The following SNTG2 variants were observed in gnomAD, a reference collection of about 807,000 sequenced individuals.
The protein encoded by SNTG2 is gamma-2-syntrophin.
In SNTG2, 74 loss-of-function variants were observed where a neutral mutation model predicts 70.9. The observed-to-expected ratio is 1.04, with a 90% confidence interval of 0.86 to 1.27. SNTG2 has a LOEUF of 1.27. Among genes scored for constraint, SNTG2 ranks in the 50% most tolerant of loss-of-function variants. The pLI is 0.00. For synonymous variants in SNTG2, 278 were observed against 273.8 expected, an observed-to-expected ratio of 1.02 and a Z score of -0.15; for missense variants, 717 against 690.7, an observed-to-expected ratio of 1.04 and a Z score of -0.43.
chr2:960,017 G>A (rs1660297474), intron 1 of SNTG2, among the ~76,000 whole-genome samples: 2 of 151,948 alleles, frequency 1.3e-5, no homozygotes, highest in Non-Finnish European at 2.9e-5. Flanking sequence ...CTGCTTTTTA[G>A]AATTCTCATT....
At chr2:1,088,664 T>G (rs182157978) in intron 2 of SNTG2, among the ~76,000 whole-genome samples, 1 of 152,342 alleles carries the variant, frequency 6.6e-6, no homozygotes, top group African/African-American at 2.4e-5. Context: ...TCATATAAGC[T>G]CATTAGAGTG....
At chr2:1,222,134 T>TATCTCTGTCTCC (rs1675241554) in intron 9 of SNTG2, among the ~76,000 whole-genome samples, 1 of 139,078 alleles carries the variant, frequency 7.2e-6, no homozygotes, top group African/African-American at 2.6e-5. Flanking sequence ...TGTCTCTCTC[T>TATCTCTGTCTCC]GTCTCTCTCT....
chr2:1,157,958 G>C (rs569662046), intron 6 of SNTG2, among the ~76,000 whole-genome samples: 1 of 152,164 alleles, frequency 6.6e-6, no homozygotes, highest in Non-Finnish European at 1.5e-5. Context: ...ATTGCTCTAG[G>C]CACAAAAGTT....
chr2:1,028,121 G>T (rs1052519631), intron 1 of SNTG2, among the ~76,000 whole-genome samples: 2 of 150,664 alleles, frequency 1.3e-5, no homozygotes, highest in Non-Finnish European at 2.9e-5. Context: ...ATGCATCTCT[G>T]TTGAGTAAAG....
chr2:1,327,743 A>C (rs1485488796), intron 16 of SNTG2, among the ~76,000 whole-genome samples: 2 of 152,240 alleles, frequency 1.3e-5, no homozygotes, highest in Non-Finnish European at 1.5e-5. Context: ...TTTATTAAAC[A>C]AACAATATTA....
At chr2:1,111,015 A>G (rs1381125653) in intron 4 of SNTG2, among the ~76,000 whole-genome samples, 2 of 152,212 alleles carry the variant, frequency 1.3e-5, no homozygotes, top group African/African-American at 4.8e-5. Flanking sequence ...TTTCTGTCAC[A>G]AGCCAAAATC....
intron 6 of SNTG2, among the ~76,000 whole-genome samples, chr2:1,144,029 G>T (rs1339356419): frequency 6.6e-6 from 1 of 152,168 alleles, no homozygotes; most frequent in African/African-American, 2.4e-5. Flanking sequence ...TGTTGAAGCT[G>T]TGGCTCTCAG....
chr2:1,271,353 C>G (rs1034213588), intron 14 of SNTG2, among the ~76,000 whole-genome samples: 3 of 152,060 alleles, frequency 2.0e-5, no homozygotes, highest in African/African-American at 7.3e-5. Flanking sequence ...CTGCAATTTA[C>G]AAGACTTTTG....
chr2:1,301,807 T>C (rs958052428), intron 14 of SNTG2, among the ~76,000 whole-genome samples: 1 of 152,116 alleles, frequency 6.6e-6, no homozygotes, highest in African/African-American at 2.4e-5. Flanking sequence ...GAGAGTTTAG[T>C]ATCAGCAGAT....
intron 9 of SNTG2, among the ~76,000 whole-genome samples, chr2:1,237,241 C>A (rs1202459643): frequency 6.6e-6 from 1 of 152,092 alleles, no homozygotes; most frequent in African/African-American, 2.4e-5. Context: ...CTGCGCCCGG[C>A]CAATATGCAC....
At chr2:1,169,464 C>T (rs1284871788) in intron 7 of SNTG2, among the ~76,000 whole-genome samples, 3 of 152,152 alleles carry the variant, frequency 2.0e-5, no homozygotes, top group African/African-American at 7.2e-5. Context: ...ACTGCAACAC[C>T]AGATGGCAGA....
At chr2:1,025,212 A>G (rs1660408463) in intron 1 of SNTG2, among the ~76,000 whole-genome samples, 1 of 152,170 alleles carries the variant, frequency 6.6e-6, no homozygotes. Context: ...GAAGCATGCC[A>G]TCCCAGCTGG....
intron 1 of SNTG2, among the ~76,000 whole-genome samples, chr2:1,082,222 A>T (rs541985756): frequency 1.3e-5 from 2 of 152,308 alleles, no homozygotes; most frequent in South Asian, 4.1e-4. Flanking sequence ...GAGGCATTTG[A>T]TGAGCTGGTT....
chr2:1,046,576 G>A (rs1661749257), intron 1 of SNTG2, among the ~76,000 whole-genome samples: 1 of 152,184 alleles, frequency 6.6e-6, no homozygotes, highest in South Asian at 2.1e-4. Context: ...CTTGGCATTT[G>A]CTTTTCTGAA....
chr2:962,874 C>T (rs1005467811), intron 1 of SNTG2, among the ~76,000 whole-genome samples: 15 of 152,102 alleles, frequency 9.9e-5, no homozygotes, highest in African/African-American at 3.4e-4. Context: ...TAAGTGTCAT[C>T]CCTTAAATTA....
chr2:1,275,560 C>T (rs533837650), intron 14 of SNTG2, among the ~76,000 whole-genome samples: 8 of 152,214 alleles, frequency 5.3e-5, no homozygotes, highest in Non-Finnish European at 1.2e-4. Context: ...TCAGTCACTG[C>T]TATGTGTGTT....
At chr2:1,189,973 TC>T in intron 8 of SNTG2, among the ~76,000 whole-genome samples, 1 of 152,090 alleles carries the variant, frequency 6.6e-6, no homozygotes, top group African/African-American at 2.4e-5. Context: ...TGAAGCCAAA[TC>T]TTTAAAACCT....
chr2:1,289,393 T>C lies in SNTG2; in HGVS notation c.1285-19101T>C, dbSNP rs1215332335. The stretch of plus-strand genomic sequence containing the variant: ...TCAGTCTACTCACTGCCCGCATGTG[T>C]CTCTCCACAATTTCTCTGACTGCCC... On this transcript the variant is annotated intron_variant, in intron 14 of 16. Coordinates refer to ENST00000308624, the MANE Select transcript of SNTG2 (RefSeq NM_018968.4). Among the ~76,000 whole-genome samples the C allele has an allele frequency of 2.0e-5, 3 of 151,950 alleles. No individual in the cohort carries two copies. The East Asian group carries it at 5.9e-4, about 30-fold the overall frequency.
chr2:1,270,968 A>G (rs555092722), intron 14 of SNTG2, among the ~76,000 whole-genome samples: 3 of 152,312 alleles, frequency 2.0e-5, no homozygotes, highest in African/African-American at 4.8e-5. Context: ...CATCCTTCAC[A>G]GGCTCTGGAT....
Sources: gnomAD v4.1 joint callset for allele counts (sites outside exome capture counted in the v4.1 genomes callset) on GRCh38, gnomAD v4.1.1 for gene constraint, MANE v1.5 for transcripts, NCBI Gene and HGNC (gene_info 2026-07-23, HGNC 2026-07-21) for gene names.